The following GARNL3 variants were observed in gnomAD, a reference collection of about 807,000 sequenced individuals.
GARNL3 encodes GTPase activating Rap/RanGAP domain like 3.
In GARNL3, 63 loss-of-function variants were observed where a neutral mutation model predicts 125.0. The observed-to-expected ratio is 0.50, with a 90% CI of 0.41 to 0.62. The LOEUF (loss-of-function observed/expected upper bound fraction) is 0.62, where lower values mean the gene tolerates loss of function less well. Ranked by LOEUF, GARNL3 falls within the 20% of genes least tolerant of loss-of-function variation. The pLI is 0.00. For missense variants in GARNL3, 994 were observed against 1,244.0 expected, an observed-to-expected ratio of 0.80 and a Z score of 3.02; for synonymous variants, 439 against 457.5, an observed-to-expected ratio of 0.96 and a Z score of 0.52.
In GARNL3 at chr9:127,266,432, A is replaced by G. The variant is rs1468075866; in HGVS notation, c.144+1411A>G. On this transcript the variant is annotated intron_variant, in intron 1 of 27. Coordinates refer to ENST00000373387, the MANE Select transcript of GARNL3 (RefSeq NM_032293.5). The surrounding 1 kb of genome is among the most constrained non-coding windows in gnomAD (Gnocchi z 4.0). ...CAAAGAGCTTTGTAATTACAAAGCA[A>G]GCAAGCTTTGGAATCAGGTAGGCCT... Among the ~76,000 whole-genome samples, 1 of 152,258 alleles carries G rather than the reference A, an allele frequency of 6.6e-6. No homozygotes were observed. The highest frequency in any genetic ancestry group is 1.5e-5 in the Non-Finnish European group (1 of 68,050).
At chr9:127,225,564 G>A (rs931774656) in intron 1 of GARNL3, among the ~76,000 whole-genome samples, 1 of 151,866 alleles carries the variant, frequency 6.6e-6, no homozygotes, top group Non-Finnish European at 1.5e-5. Context: ...TGGGCTGTGG[G>A]AGGGGCCGGG....
Position 127,338,173 on chromosome 9 carries a change from C to A in GARNL3, c.1028+12C>A. The A allele has an allele frequency of 6.3e-7, 1 of 1,594,162 alleles. No individual in the cohort carries two copies. The stretch of plus-strand genomic sequence containing the variant: ...AATGACAATTACAGGTAGGTAATGA[C>A]TTTGTCTCGATTGCTTGTCCTAATT... On this transcript the variant is annotated intron_variant, in intron 12 of 27. Coordinates refer to ENST00000373387, the MANE Select transcript of GARNL3 (RefSeq NM_032293.5).
chr9:127,330,352 G>A (rs1206927290), intron 7 of GARNL3, among the ~76,000 whole-genome samples: 2 of 152,166 alleles, frequency 1.3e-5, no homozygotes, highest in Non-Finnish European at 1.5e-5. Flanking sequence ...AGAGGTCCCT[G>A]GAAACATTCT....
intron 22 of GARNL3, among the ~76,000 whole-genome samples, chr9:127,377,645 G>A (rs1018078469): frequency 2.0e-5 from 3 of 151,806 alleles, no homozygotes; most frequent in Non-Finnish European, 4.4e-5. Context: ...AAATTAGCCG[G>A]GCGTGGTGGC....
intron 1 of GARNL3, among the ~76,000 whole-genome samples, chr9:127,228,892 C>T (rs565704706): frequency 3.3e-5 from 5 of 152,138 alleles, no homozygotes; most frequent in Admixed American, 1.3e-4. Flanking sequence ...GGCTCAATCT[C>T]GGCTCACTGC....
At chr9:127,308,410 T>A (rs2065012219) in intron 2 of GARNL3, among the ~76,000 whole-genome samples, 1 of 152,072 alleles carries the variant, frequency 6.6e-6, no homozygotes, top group Non-Finnish European at 1.5e-5. Flanking sequence ...AGGTAAGGAA[T>A]GAAAAATTAC....
rs78148600 is a variant in GARNL3, at chr9:127,229,707, G to A, written c.-29+5369G>A. On this transcript the variant is annotated intron_variant, in intron 1 of 10. Coordinates refer to the GARNL3 transcript ENST00000439286. ...AGACTTGATCTCACTTTGTTTCCCA[G>A]GCTGATCTCGAAATCCTGGCCTCAA... Among the ~76,000 whole-genome samples, 463 of 152,236 alleles carry A rather than the reference G, an allele frequency of 3.0e-3. 18 individuals carry two copies. The East Asian group carries it at 0.08, about 26-fold the overall frequency.
chr9:127,301,168 T>A (rs1055012608), intron 2 of GARNL3, among the ~76,000 whole-genome samples: 5 of 152,206 alleles, frequency 3.3e-5, no homozygotes, highest in African/African-American at 1.2e-4. Flanking sequence ...ATCATTGTCA[T>A]CCTTATTGCT....
intron 1 of GARNL3, among the ~76,000 whole-genome samples, chr9:127,290,214 C>T (rs1021864943): frequency 1.3e-5 from 2 of 152,198 alleles, no homozygotes; most frequent in Admixed American, 6.5e-5. Context: ...CTATATTTAT[C>T]GTAGGAAAAA....
chr9:127,391,220 G>C (rs1188886358), intron 27 of GARNL3, among the ~76,000 whole-genome samples: 1 of 151,342 alleles, frequency 6.6e-6, no homozygotes, highest in Non-Finnish European at 1.5e-5. Flanking sequence ...GAGAGGCGGA[G>C]GCTGCAGTCA....
chr9:127,316,741 T>A (rs1364698482), intron 4 of GARNL3, among the ~76,000 whole-genome samples: 1 of 152,126 alleles, frequency 6.6e-6, no homozygotes, highest in Admixed American at 6.5e-5. Context: ...GACATCCTCC[T>A]CCCTGGGCTG....
intron 1 of GARNL3, among the ~76,000 whole-genome samples, chr9:127,283,925 C>T (rs148687517): frequency 2.0e-5 from 3 of 152,250 alleles, no homozygotes; most frequent in African/African-American, 7.2e-5. Context: ...TTTAAAAAAT[C>T]CTGTCCTCTT....
At chr9:127,375,478 A>G (rs1831850859) in intron 22 of GARNL3, among the ~76,000 whole-genome samples, 1 of 151,986 alleles carries the variant, frequency 6.6e-6, no homozygotes, top group Admixed American at 6.6e-5. Flanking sequence ...AAAAAAAAAA[A>G]AAAAAGAAAA....
chr9:127,390,533 C>T (rs1225403616), intron 26 of GARNL3, 108 bp from the exon 27 acceptor site: 6 of 952,906 alleles, frequency 6.3e-6, no homozygotes, highest in African/African-American at 1.6e-5. Context: ...TTCTTCCTGA[C>T]TCTAGCACAA....
rs1410684736 is a variant in GARNL3 at position 127,393,409 on chromosome 9, T to G, written c.*155T>G. 1 of 542,990 alleles carries G rather than the reference T, an allele frequency of 1.8e-6. No individual in the cohort carries two copies. Among genetic ancestry groups the G allele is most frequent in the Non-Finnish European group, 3.2e-6 (1 of 309,858 alleles). The allele number at this position is 542,990 out of a possible 1,614,324, so 33.6% of individuals were successfully genotyped here. On this transcript the variant is annotated 3_prime_UTR_variant, in exon 28 of 28. Transcript: ENST00000373387. Reference sequence around the variant, plus strand: ...CACACTCGGCCAGTTCCCTCTCCAATGTCCGGTGCCATCTTTCCTGACCTT... The same window carrying G: ...CACACTCGGCCAGTTCCCTCTCCAAGGTCCGGTGCCATCTTTCCTGACCTT...
chr9:127,237,503 A>G (rs1199789242), intron 1 of GARNL3, among the ~76,000 whole-genome samples: 1 of 152,250 alleles, frequency 6.6e-6, no homozygotes, highest in Non-Finnish European at 1.5e-5. Flanking sequence ...CAACTTTTGC[A>G]CAGTGGAAGG....
intron 22 of GARNL3, among the ~76,000 whole-genome samples, chr9:127,371,557 C>T (rs945428516): frequency 6.6e-6 from 1 of 152,138 alleles, no homozygotes; most frequent in African/African-American, 2.4e-5. Context: ...GATACATTCC[C>T]CATCTGTTTA....
chr9:127,302,622 G>A (rs1390079526), intron 2 of GARNL3, among the ~76,000 whole-genome samples: 2 of 152,262 alleles, frequency 1.3e-5, no homozygotes, highest in South Asian at 2.1e-4. Context: ...GTCAAGATGC[G>A]AGAAAATTTC....
chr9:127,249,962 T>C (rs2063371391), intron 2 of GARNL3, among the ~76,000 whole-genome samples: 1 of 152,160 alleles, frequency 6.6e-6, no homozygotes, highest in African/African-American at 2.4e-5. Context: ...GGAGCCGAGA[T>C]TGCACCACTG....
Sources: allele counts gnomAD v4.1 joint callset (sites outside exome capture counted in the v4.1 genomes callset), GRCh38; gene constraint gnomAD v4.1.1; non-coding constraint Gnocchi (gnomAD v3.1); transcripts MANE v1.5; gene names NCBI Gene and HGNC (gene_info 2026-07-23, HGNC 2026-07-21).